LUZP2: variants seen among roughly 807,000 people sequenced by gnomAD.
LUZP2 encodes leucine zipper protein 2.
LUZP2 carries 52 observed loss-of-function variants against 51.6 expected under a neutral mutation model. That is an observed-to-expected ratio of 1.01 (90% CI 0.81 to 1.27). The LOEUF is 1.27. LUZP2 is among the 50% of genes most tolerant of loss of function. The pLI is 0.00. For missense variants in LUZP2, 436 were observed against 395.4 expected (o/e 1.10, Z -0.87); for synonymous variants, 154 against 137.3 (o/e 1.12, Z -0.85).
At chr11:24,664,050 T>C (rs1224974607) in intron 1 of LUZP2, among the ~76,000 whole-genome samples, 1 of 152,108 alleles carries the variant, frequency 6.6e-6, no homozygotes, top group Non-Finnish European at 1.5e-5. Flanking sequence ...ACGGTGTTGC[T>C]ATAAGGATAC....
chr11:24,980,514 A>G (rs990452753), intron 8 of LUZP2, among the ~76,000 whole-genome samples: 2 of 151,572 alleles, frequency 1.3e-5, no homozygotes. Context: ...TATTCTCTGG[A>G]GGGTTTGCTT....
chr11:24,864,174 G>GTACT (rs1851819101), intron 5 of LUZP2, among the ~76,000 whole-genome samples: 1 of 152,072 alleles, frequency 6.6e-6, no homozygotes, highest in Non-Finnish European at 1.5e-5. Context: ...TAATTATAGT[G>GTACT]TACTTATGTG....
Position 25,077,349 on chromosome 11 carries a change from G to A in LUZP2, c.879G>A (p.Met293Ile). The A allele has an allele frequency of 6.2e-7, 1 of 1,612,788 alleles. No homozygotes were observed. The highest frequency in any genetic ancestry group is 8.5e-7 in the Non-Finnish European group (1 of 1,179,118). Residue 293 changes from methionine (M) to isoleucine (I), a missense_variant, in exon 11 of 12, where the codon ATG becomes ATA. Met to Ile is a conservative substitution (Grantham distance 10). Coordinates refer to ENST00000336930, the MANE Select transcript of LUZP2 (RefSeq NM_001009909.4). ...TGTAGGAGGGCAGACCGTGTTCCAT[G>A]AAGCACAAAGAAAGTCCCCCAAGTA... is the stretch of plus-strand genomic sequence containing the variant. Reference protein sequence around the residue: ...DSQDEGRPCSMKHKESPPSNA... With the variant: ...DSQDEGRPCSIKHKESPPSNA...
intron 7 of LUZP2, among the ~76,000 whole-genome samples, chr11:24,948,412 T>A (rs1384963008): frequency 6.6e-6 from 1 of 151,704 alleles, no homozygotes; most frequent in Non-Finnish European, 1.5e-5. Flanking sequence ...ATTTGCAATA[T>A]CCACCATGGG....
chr11:24,558,727 A>G, intron 1 of LUZP2, among the ~76,000 whole-genome samples: 1 of 152,162 alleles, frequency 6.6e-6, no homozygotes, highest in East Asian at 1.9e-4. Context: ...TTATAAAAGT[A>G]GTTGAGGAAG....
intron 1 of LUZP2, among the ~76,000 whole-genome samples, chr11:24,515,914 GT>G (rs979290022): frequency 3.3e-5 from 5 of 151,800 alleles, no homozygotes; most frequent in African/African-American, 1.2e-4. Context: ...GTCCTGTCAT[GT>G]TTTTTTTCTT....
intron 1 of LUZP2, among the ~76,000 whole-genome samples, chr11:24,624,059 T>C (rs1854597110): frequency 6.6e-6 from 1 of 152,192 alleles, no homozygotes; most frequent in Admixed American, 6.5e-5. Context: ...ATCTTTTAAA[T>C]ATCATTAATC....
At chr11:24,592,607 T>A (rs1355554614) in intron 1 of LUZP2, among the ~76,000 whole-genome samples, 1 of 151,994 alleles carries the variant, frequency 6.6e-6, no homozygotes, top group African/African-American at 2.4e-5. Flanking sequence ...AATAGTCTTC[T>A]GAATGCTGAA....
chr11:24,824,784 C>T (rs1360827156), intron 5 of LUZP2, among the ~76,000 whole-genome samples: 1 of 151,904 alleles, frequency 6.6e-6, no homozygotes, highest in Non-Finnish European at 1.5e-5. Flanking sequence ...TATGTGCTTT[C>T]AAAAATCTCA....
At position 24,591,411 on chromosome 11, in the gene LUZP2, T is replaced by A. The variant is rs74764397; in HGVS notation, c.62+94106T>A. On this transcript the variant is annotated intron_variant, in intron 1 of 11. Transcript: ENST00000336930. ...AGGATTATGTATTCATAGTTTTAGATAACAGTGGATTCAATTACCTTCTAC... is the reference window on the plus strand; with the variant it reads ...AGGATTATGTATTCATAGTTTTAGAAAACAGTGGATTCAATTACCTTCTAC... Among the ~76,000 whole-genome samples, 602 of 152,352 alleles carry A rather than the reference T, an allele frequency of 4.0e-3. 25 individuals are homozygous for A. In the East Asian group the frequency reaches 0.086, roughly 22 times the overall value.
intron 1 of LUZP2, among the ~76,000 whole-genome samples, chr11:24,602,306 A>ATATG (rs1853751220): frequency 6.8e-6 from 1 of 147,448 alleles, no homozygotes; most frequent in Non-Finnish European, 1.5e-5. Flanking sequence ...ACATACATAT[A>ATATG]TACACACATA....
chr11:24,552,997 C>T (rs1851764072), intron 1 of LUZP2, among the ~76,000 whole-genome samples: 1 of 150,782 alleles, frequency 6.6e-6, no homozygotes. Flanking sequence ...AAATATCTAA[C>T]TATATTAAAG....
intron 4 of LUZP2, among the ~76,000 whole-genome samples, chr11:24,744,534 T>C (rs923202302): frequency 5.5e-4 from 84 of 152,264 alleles, no homozygotes; most frequent in African/African-American, 1.9e-3. Context: ...TCTTTTGTAT[T>C]TCAGTGGTGT....
At chr11:24,763,178 GA>G (rs1860044554) in intron 4 of LUZP2, 67 bp from the exon 5 acceptor site, 7 of 721,790 alleles carry the variant, frequency 9.7e-6, no homozygotes, top group Middle Eastern at 3.4e-4. Flanking sequence ...TCAAAATAAT[GA>G]AAAAAATAAT....
At chr11:24,890,512 A>G (rs1204088657) in intron 5 of LUZP2, among the ~76,000 whole-genome samples, 1 of 152,196 alleles carries the variant, frequency 6.6e-6, no homozygotes, top group African/African-American at 2.4e-5. Flanking sequence ...GTCATTGACT[A>G]TAATCAATCT....
chr11:25,048,073 T>C (rs1017994461), intron 9 of LUZP2, among the ~76,000 whole-genome samples: 5 of 152,164 alleles, frequency 3.3e-5, no homozygotes, highest in Admixed American at 2.6e-4. Flanking sequence ...TGTCTCCCAA[T>C]GTGCTGGAAA....
At chr11:24,592,778 T>C (rs918700632) in intron 1 of LUZP2, among the ~76,000 whole-genome samples, 1 of 151,972 alleles carries the variant, frequency 6.6e-6, no homozygotes, top group Non-Finnish European at 1.5e-5. Context: ...TATTACCTAA[T>C]GTTAGGAGAG....
chr11:24,599,614 C>A (rs1261763200), intron 1 of LUZP2, among the ~76,000 whole-genome samples: 1 of 152,126 alleles, frequency 6.6e-6, no homozygotes, highest in African/African-American at 2.4e-5. Flanking sequence ...GATCAATTGA[C>A]CTTACTCACA....
intron 11 of LUZP2, among the ~76,000 whole-genome samples, chr11:25,078,236 T>G (rs10500993): frequency 0.36 from 54,368 of 152,118 alleles, 11,716 homozygotes; most frequent in East Asian, 0.79. Context: ...TTATTTCACT[T>G]AATACTAAAA....
Sources: gnomAD v4.1 joint callset for allele counts (sites outside exome capture counted in the v4.1 genomes callset) on GRCh38, gnomAD v4.1.1 for gene constraint, MANE v1.5 for transcripts, NCBI Gene and HGNC (gene_info 2026-07-23, HGNC 2026-07-21) for gene names.